Variants in SPOCK3 observed in about 807,000 individuals in gnomAD.
The protein encoded by SPOCK3 is SPARC (osteonectin), cwcv and kazal like domains proteoglycan 3, also known as testican-3.
Under a neutral mutation model 56.6 loss-of-function variants are expected in SPOCK3, and 30 were observed. The observed-to-expected ratio is 0.53, with a 90% confidence interval of 0.40 to 0.72. The LOEUF is 0.72. Among genes scored for constraint, SPOCK3 ranks in the 30% least tolerant of loss-of-function variants. SPOCK3 has a pLI of 0.00. For synonymous variants in SPOCK3, 196 were observed against 183.3 expected, an observed-to-expected ratio of 1.07 and a Z score of -0.56; for missense variants, 527 against 530.0, an observed-to-expected ratio of 0.99 and a Z score of 0.06.
chr4:166,902,370 C>T (rs771686193), intron 5 of SPOCK3, among the ~76,000 whole-genome samples: 2 of 151,886 alleles, frequency 1.3e-5, no homozygotes, highest in Non-Finnish European at 2.9e-5. Flanking sequence ...ACTGTGTTTC[C>T]TGTACTTGTG....
At chr4:167,224,928 G>A (rs541687268) in intron 2 of SPOCK3, among the ~76,000 whole-genome samples, 20 of 152,132 alleles carry the variant, frequency 1.3e-4, no homozygotes, top group African/African-American at 4.8e-4. Context: ...GCCTCCCAAA[G>A]TGCTGGGATT....
chr4:167,163,008 C>T (rs920843262), intron 2 of SPOCK3, among the ~76,000 whole-genome samples: 5 of 151,716 alleles, frequency 3.3e-5, no homozygotes, highest in African/African-American at 1.2e-4. Flanking sequence ...ACTTATACGT[C>T]ATCCATGTTT....
At chr4:166,766,095 G>A (rs561188811) in intron 7 of SPOCK3, among the ~76,000 whole-genome samples, 31 of 152,234 alleles carry the variant, frequency 2.0e-4, no homozygotes, top group South Asian at 4.2e-4. Flanking sequence ...GGGCTGAGAT[G>A]ATAGGGTTTT....
At chr4:166,943,108 T>A (rs1741302459) in intron 4 of SPOCK3, among the ~76,000 whole-genome samples, 2 of 152,234 alleles carry the variant, frequency 1.3e-5, no homozygotes, top group African/African-American at 2.4e-5. Context: ...GGGCATTACA[T>A]TAACATGTGC....
chr4:167,100,712 T>G, intron 2 of SPOCK3, among the ~76,000 whole-genome samples: 1 of 152,312 alleles, frequency 6.6e-6, no homozygotes, highest in Non-Finnish European at 1.5e-5. Context: ...TATTGTATGC[T>G]AATTATTTAA....
intron 2 of SPOCK3, among the ~76,000 whole-genome samples, chr4:167,211,309 G>A (rs970367486): frequency 6.6e-6 from 1 of 152,144 alleles, no homozygotes; most frequent in South Asian, 2.1e-4. Context: ...AGGAGGAAGG[G>A]AACTTGCTTG....
At chr4:166,856,804 CTATCTAGATATCTAGA>C (rs75264800) in intron 6 of SPOCK3, among the ~76,000 whole-genome samples, 1 of 150,158 alleles carries the variant, frequency 6.7e-6, no homozygotes, top group African/African-American at 2.5e-5. Context: ...ATCTATCTAT[CTATCTAGATATCTAGA>C]TATCTAGATA....
chr4:167,197,632 A>G (rs1343413347), intron 2 of SPOCK3, among the ~76,000 whole-genome samples: 3 of 152,024 alleles, frequency 2.0e-5, no homozygotes, highest in African/African-American at 7.2e-5. Context: ...ATCCCACAAA[A>G]GTGGGAATAA....
At chr4:166,742,260 T>A (rs570331824) in intron 8 of SPOCK3, among the ~76,000 whole-genome samples, 1 of 152,036 alleles carries the variant, frequency 6.6e-6, no homozygotes, top group East Asian at 1.9e-4. Context: ...TATCTATCTA[T>A]CTATCTATCT....
At position 167,116,654 on chromosome 4, in the gene SPOCK3, A is replaced by ACGTATATAC. The variant is rs1561233923; in HGVS notation, c.190-54118_190-54117insGTATATACG. On this transcript the variant is annotated intron_variant, in intron 2 of 10. Coordinates refer to ENST00000357545, the MANE Select transcript of SPOCK3 (RefSeq NM_001040159.2). ...ATACTATATACGTATATATATACAC[A>ACGTATATAC]TATATACGTATATAGTATATATGTA... is the stretch of plus-strand genomic sequence containing the variant. 4.6e-4 allele frequency among the ~76,000 whole-genome samples: 37 copies of ACGTATATAC among 79,668 alleles called. 1 individual carries two copies. The highest frequency in any genetic ancestry group is 1.1e-3 in the Admixed American group (9 of 8,162). The allele number at this position is 79,668 out of a possible 152,430, so 52.3% of individuals were successfully genotyped here. A position where few individuals can be genotyped will look rare whatever the true frequency, so the allele number is the denominator to read the frequency against.
At chr4:166,876,678 A>G (rs575817177) in intron 6 of SPOCK3, among the ~76,000 whole-genome samples, 25 of 152,262 alleles carry the variant, frequency 1.6e-4, no homozygotes, top group Non-Finnish European at 2.9e-4. Flanking sequence ...TTTACAAACG[A>G]TATTAATAGT....
intron 3 of SPOCK3, among the ~76,000 whole-genome samples, chr4:167,030,626 C>A (rs956857019): frequency 2.0e-5 from 3 of 151,830 alleles, no homozygotes; most frequent in African/African-American, 7.3e-5. Context: ...TGATTTGTAC[C>A]TCATTTTGTT....
chr4:166,927,428 T>G (rs1255108774), intron 4 of SPOCK3, among the ~76,000 whole-genome samples: 1 of 152,236 alleles, frequency 6.6e-6, no homozygotes, highest in African/African-American at 2.4e-5. Context: ...GCCTTTCACC[T>G]TTCGCCATGA....
intron 7 of SPOCK3, among the ~76,000 whole-genome samples, chr4:166,788,304 T>TA: frequency 1.3e-5 from 2 of 152,138 alleles, no homozygotes; most frequent in Non-Finnish European, 2.9e-5. Flanking sequence ...AAAGCCAACT[T>TA]AAAAAAATCT....
At chr4:167,021,251 A>G (rs2150161855) in intron 3 of SPOCK3, among the ~76,000 whole-genome samples, 1 of 152,224 alleles carries the variant, frequency 6.6e-6, no homozygotes, top group Non-Finnish European at 1.5e-5. Context: ...GGCTCATTAA[A>G]TGTCTATTTA....
intron 7 of SPOCK3, among the ~76,000 whole-genome samples, chr4:166,767,418 C>A (rs1738243111): frequency 6.6e-6 from 1 of 151,986 alleles, no homozygotes; most frequent in Non-Finnish European, 1.5e-5. Context: ...CAAAGAACAT[C>A]TTTATTTCTG....
intron 2 of SPOCK3, among the ~76,000 whole-genome samples, chr4:167,135,649 C>T (rs913990144): frequency 1.3e-5 from 2 of 149,578 alleles, no homozygotes; most frequent in African/African-American, 4.9e-5. Flanking sequence ...TTTTTTCAAC[C>T]TAGATATATT....
At position 167,083,673 on chromosome 4, in the gene SPOCK3, A is replaced by G. The variant is rs549203368; in HGVS notation, c.190-21136T>C. Among the ~76,000 whole-genome samples the G allele has an allele frequency of 2.0e-4, 30 of 152,226 alleles. No individual in the cohort carries two copies. In the South Asian group the frequency reaches 3.5e-3, roughly 18 times the overall value. On this transcript the variant is annotated intron_variant, in intron 2 of 10. Coordinates refer to ENST00000357545, the MANE Select transcript of SPOCK3 (RefSeq NM_001040159.2). ...GGTTATATCATTCAGCAGAGTATTG[A>G]GTCTGCATGAATGATGTGAAACCCA...
intron 3 of SPOCK3, among the ~76,000 whole-genome samples, chr4:167,052,091 GTATT>G (rs1366747362): frequency 6.6e-6 from 1 of 152,072 alleles, no homozygotes; most frequent in Non-Finnish European, 1.5e-5. Context: ...CCTTTACACA[GTATT>G]TATTATTTTA....
Sources: gnomAD v4.1 joint callset for allele counts (sites outside exome capture counted in the v4.1 genomes callset) on GRCh38, gnomAD v4.1.1 for gene constraint, MANE v1.5 for transcripts, NCBI Gene and HGNC (gene_info 2026-07-23, HGNC 2026-07-21) for gene names.